Variants in KCNIP1 observed in about 807,000 individuals in gnomAD.
KCNIP1 encodes the protein potassium voltage-gated channel interacting protein 1, also known as A-type potassium channel modulatory protein KCNIP1.
KCNIP1 carries 18 observed loss-of-function variants against 33.0 expected under a neutral mutation model. The ratio of observed to expected loss-of-function variants is 0.55; its 90% CI spans 0.38 to 0.81. The LOEUF (loss-of-function observed/expected upper bound fraction) is 0.81. KCNIP1 is among the 30% of genes least tolerant of loss of function. The pLI is 0.00. For missense variants in KCNIP1, 238 were observed against 271.6 expected, an observed-to-expected ratio of 0.88 and a Z score of 0.87; for synonymous variants, 93 against 98.3, an observed-to-expected ratio of 0.95 and a Z score of 0.32.
At chr5:170,381,505 C>T (rs965965131) in intron 1 of KCNIP1, among the ~76,000 whole-genome samples, 4 of 152,218 alleles carry the variant, frequency 2.6e-5, no homozygotes, top group Non-Finnish European at 5.9e-5. Context: ...CCACTTGAAC[C>T]CCTATGATGG....
intron 1 of KCNIP1, among the ~76,000 whole-genome samples, chr5:170,591,675 T>C (rs187770167): frequency 8.6e-4 from 131 of 152,338 alleles, no homozygotes; most frequent in African/African-American, 3.1e-3. Context: ...CTACTCTAGG[T>C]ACCTCGTATA....
intron 1 of KCNIP1, among the ~76,000 whole-genome samples, chr5:170,581,361 T>A (rs1423928025): frequency 6.6e-6 from 1 of 152,182 alleles, no homozygotes; most frequent in Non-Finnish European, 1.5e-5. Flanking sequence ...ACCACCTGGA[T>A]CATGAGTGTC....
intron 1 of KCNIP1, among the ~76,000 whole-genome samples, chr5:170,488,105 T>G (rs1392163283): frequency 6.6e-6 from 1 of 152,232 alleles, no homozygotes; most frequent in Non-Finnish European, 1.5e-5. Flanking sequence ...GGAATAGCCT[T>G]TAGCAAAAGA....
At chr5:170,682,536 T>G (rs1443490140) in intron 1 of KCNIP1, among the ~76,000 whole-genome samples, 2 of 152,098 alleles carry the variant, frequency 1.3e-5, no homozygotes. Context: ...TTCGGAAAAC[T>G]TTTTCTTCCT....
chr5:170,435,461 G>A (rs896735040), intron 1 of KCNIP1, among the ~76,000 whole-genome samples: 2 of 152,208 alleles, frequency 1.3e-5, no homozygotes, highest in South Asian at 2.1e-4. Flanking sequence ...ACACCCCCGA[G>A]TTTCCGCCTC....
intron 1 of KCNIP1, among the ~76,000 whole-genome samples, chr5:170,612,284 A>G (rs1050871362): frequency 6.6e-6 from 1 of 152,188 alleles, no homozygotes; most frequent in African/African-American, 2.4e-5. Flanking sequence ...CCCTAGCCAC[A>G]TGCCTTGGTT....
At chr5:170,558,432 G>T (rs1277439460) in intron 1 of KCNIP1, among the ~76,000 whole-genome samples, 4 of 152,222 alleles carry the variant, frequency 2.6e-5, no homozygotes, top group African/African-American at 9.6e-5. Flanking sequence ...TAAACTGGTT[G>T]TGACCTAAGG....
chr5:170,512,815 C>T (rs577101027), intron 1 of KCNIP1, among the ~76,000 whole-genome samples: 274 of 152,104 alleles, frequency 1.8e-3, no homozygotes, highest in African/African-American at 5.8e-3. Context: ...TTTGGGAGGC[C>T]GAGGCTGGCG....
intron 1 of KCNIP1, among the ~76,000 whole-genome samples, chr5:170,412,224 C>T (rs192962998): frequency 9.5e-4 from 89 of 93,656 alleles, no homozygotes; most frequent in African/African-American, 3.3e-3. Flanking sequence ...GATGACCTTC[C>T]TTGGCTTTCC....
At chr5:170,444,673 T>C (rs1756068069) in intron 1 of KCNIP1, among the ~76,000 whole-genome samples, 1 of 151,048 alleles carries the variant, frequency 6.6e-6, no homozygotes, top group Non-Finnish European at 1.5e-5. Flanking sequence ...GCTACCAGTG[T>C]CTACAAATTA....
intron 1 of KCNIP1, among the ~76,000 whole-genome samples, chr5:170,387,068 C>A (rs569366218): frequency 6.6e-6 from 1 of 152,222 alleles, no homozygotes; most frequent in Non-Finnish European, 1.5e-5. Context: ...GCAAGCTGTC[C>A]TAGAGCCTCT....
chr5:170,368,014 A>G (rs1763741155), intron 1 of KCNIP1, among the ~76,000 whole-genome samples: 1 of 152,230 alleles, frequency 6.6e-6, no homozygotes, highest in Non-Finnish European at 1.5e-5. Context: ...ATTTTGGTTC[A>G]TCTGTCTGAT....
chr5:170,413,290 C>T (rs1561613700), intron 1 of KCNIP1, among the ~76,000 whole-genome samples: 3 of 152,186 alleles, frequency 2.0e-5, no homozygotes, highest in Non-Finnish European at 2.9e-5. Flanking sequence ...CCAGGAGGCA[C>T]AGCTGCAGTG....
chr5:170,534,923 T>C (rs1755921848), intron 1 of KCNIP1, among the ~76,000 whole-genome samples: 2 of 152,064 alleles, frequency 1.3e-5, no homozygotes, highest in African/African-American at 4.8e-5. Flanking sequence ...TGCAGCGGGC[T>C]GTGCTGGTTG....
intron 1 of KCNIP1, among the ~76,000 whole-genome samples, chr5:170,432,031 TTTCTC>T (rs1489464910): frequency 1.3e-5 from 2 of 149,230 alleles, no homozygotes; most frequent in Non-Finnish European, 3.0e-5. Context: ...TGTCTCTCTC[TTTCTC>T]TTTTTTTTTT....
chr5:170,457,043 A>G (rs1756398539), intron 1 of KCNIP1, among the ~76,000 whole-genome samples: 1 of 152,158 alleles, frequency 6.6e-6, no homozygotes, highest in East Asian at 1.9e-4. Context: ...ACAAGCTTTT[A>G]GCTAAACTGA....
intron 1 of KCNIP1, chr5:170,378,065 A>C (rs1319505792): frequency 2.0e-5 from 3 of 152,234 alleles, no homozygotes; most frequent in African/African-American, 7.2e-5. Flanking sequence ...AATTTAGAAA[A>C]GCAGCAAAAA....
intron 1 of KCNIP1, among the ~76,000 whole-genome samples, chr5:170,554,009 G>A (rs1756751122): frequency 6.6e-6 from 1 of 152,206 alleles, no homozygotes; most frequent in South Asian, 2.1e-4. Context: ...GTGTGACAAT[G>A]TCCATGCTTA....
intron 1 of KCNIP1, chr5:170,379,081 T>G: frequency 7.4e-7 from 1 of 1,345,284 alleles, no homozygotes. Context: ...GGCCCCTGGA[T>G]TGGAGTCGGG....
Sources: allele counts gnomAD v4.1 joint callset (sites outside exome capture counted in the v4.1 genomes callset), GRCh38; gene constraint gnomAD v4.1.1; transcripts MANE v1.5; gene names NCBI Gene and HGNC (gene_info 2026-07-23, HGNC 2026-07-21).